The following CD2AP variants were observed in gnomAD, a reference collection of about 807,000 sequenced individuals.
CD2AP encodes the protein CD2 associated protein.
A neutral mutation model predicts 85.1 loss-of-function variants in CD2AP; 46 were observed. The ratio of observed to expected loss-of-function variants is 0.54; its 90% CI spans 0.43 to 0.69. The LOEUF is 0.69. Ranked by LOEUF, CD2AP falls within the 30% of genes least tolerant of loss-of-function variation. CD2AP has a pLI of 0.00. For synonymous variants in CD2AP, 255 were observed against 252.9 expected, an observed-to-expected ratio of 1.01 and a Z score of -0.08; for missense variants, 769 against 729.5, an observed-to-expected ratio of 1.05 and a Z score of -0.62.
intron 2 of CD2AP, among the ~76,000 whole-genome samples, chr6:47,509,283 T>G (rs1766256566): frequency 6.6e-6 from 1 of 152,108 alleles, no homozygotes; most frequent in African/African-American, 2.4e-5. Flanking sequence ...TAAAGATCAC[T>G]AATCACAGAT....
At chr6:47,535,101 A>G (rs1766995812) in intron 3 of CD2AP, among the ~76,000 whole-genome samples, 1 of 152,086 alleles carries the variant, frequency 6.6e-6, no homozygotes, top group Non-Finnish European at 1.5e-5. Context: ...TAGCCTAGAG[A>G]TTGCATACTT....
In CD2AP at chr6:47,582,019, G is replaced by A; in HGVS notation, c.1062G>A (p.Leu354=). ...TTCCCATAGCTCCAAAGCCTGAACT[G>A]ATAGCTGCAGAGAAGAAATATTTTT... ...PAKAPAPKPE[L]IAAEKKYFSL... Residue 354 remains leucine (L), a synonymous_variant, in exon 11 of 18, where the codon CTG becomes CTA. Transcript: ENST00000359314. 1 of 1,608,034 alleles carries A rather than the reference G, an allele frequency of 6.2e-7. No homozygotes were observed. Among genetic ancestry groups the A allele is most frequent in the Non-Finnish European group, 8.5e-7 (1 of 1,174,728 alleles).
intron 5 of CD2AP, among the ~76,000 whole-genome samples, chr6:47,570,192 G>A (rs1311850572): frequency 6.7e-6 from 1 of 149,702 alleles, no homozygotes; most frequent in African/African-American, 2.5e-5. Context: ...TCTTGTTTCC[G>A]TTTTTCTCCA....
At chr6:47,593,443 A>G (rs1173121982) in intron 11 of CD2AP, among the ~76,000 whole-genome samples, 2 of 152,134 alleles carry the variant, frequency 1.3e-5, no homozygotes, top group Non-Finnish European at 2.9e-5. Context: ...TAAAGGAGAT[A>G]TATAAGTTTT....
At chr6:47,557,026 A>G (rs1767714151) in intron 5 of CD2AP, among the ~76,000 whole-genome samples, 1 of 152,100 alleles carries the variant, frequency 6.6e-6, no homozygotes, top group South Asian at 2.1e-4. Context: ...TCTAACTGGC[A>G]TGAGATGGTA....
chr6:47,539,055 A>G (rs78933119), intron 3 of CD2AP, among the ~76,000 whole-genome samples: 2,387 of 152,314 alleles, frequency 0.016, 44 homozygotes, highest in African/African-American at 0.039. Context: ...GGTCTAGGCA[A>G]TTAATTAAAT....
rs763690363 is a variant in CD2AP at position 47,574,102 on chromosome 6, C to G, written c.580C>G (p.Leu194Val). 1 of 1,614,022 alleles carries G rather than the reference C, an allele frequency of 6.2e-7. No homozygotes were observed. Among genetic ancestry groups the G allele is most frequent in the Non-Finnish European group, 8.5e-7 (1 of 1,179,948 alleles). ...TGGGCCTACTTCACCTATACCTTCT[C>G]TGGGAAATGTGAGTGAAACTGCATC... ...LAGPTSPIPSLGNVSETASGS... is the reference protein window; with the variant it reads ...LAGPTSPIPSVGNVSETASGS... The change falls in exon 6 of 18, where the codon CTG becomes GTG. Residue 194 changes from leucine to valine, a missense_variant. Leu to Val is a conservative substitution (Grantham distance 32). Transcript: ENST00000359314.
chr6:47,579,682 G>C (rs1582584736), intron 9 of CD2AP, 193 bp downstream of exon 9: 1 of 558,254 alleles, frequency 1.8e-6, no homozygotes, highest in East Asian at 3.1e-5. Flanking sequence ...TTCTTCCTTT[G>C]TTTCTTTCTC....
chr6:47,548,232 A>G (rs1767418055), intron 4 of CD2AP, among the ~76,000 whole-genome samples: 2 of 152,150 alleles, frequency 1.3e-5, no homozygotes, highest in African/African-American at 4.8e-5. Context: ...ATTGGAACAA[A>G]CAGAAAATAC....
intron 1 of CD2AP, among the ~76,000 whole-genome samples, chr6:47,488,788 G>C (rs1346740479): frequency 1.3e-5 from 2 of 151,894 alleles, no homozygotes; most frequent in Non-Finnish European, 2.9e-5. Flanking sequence ...CTACTTGGGA[G>C]GCTGAGGTGA....
At chr6:47,485,001 G>A (rs886953685) in intron 1 of CD2AP, among the ~76,000 whole-genome samples, 9 of 152,122 alleles carry the variant, frequency 5.9e-5, no homozygotes, top group East Asian at 3.8e-4. Context: ...AGTGCAACGC[G>A]TTACTCACTG....
intron 2 of CD2AP, among the ~76,000 whole-genome samples, chr6:47,513,856 G>A (rs1049243508): frequency 4.2e-5 from 6 of 141,772 alleles, no homozygotes; most frequent in Non-Finnish European, 9.2e-5. Flanking sequence ...ATTTAAAAAC[G>A]TCTGATACCA....
chr6:47,570,739 C>G (rs1768126497), intron 5 of CD2AP, among the ~76,000 whole-genome samples: 2 of 152,104 alleles, frequency 1.3e-5, no homozygotes, highest in African/African-American at 4.8e-5. Context: ...GTGAAGTTCC[C>G]CATTTTACAG....
At chr6:47,514,841 C>T (rs926949219) in intron 2 of CD2AP, among the ~76,000 whole-genome samples, 5 of 152,162 alleles carry the variant, frequency 3.3e-5, no homozygotes, top group African/African-American at 1.2e-4. Flanking sequence ...CACCTGAGGT[C>T]AGGAGTTGGT....
At chr6:47,507,792 G>C (rs148916380) in intron 2 of CD2AP, among the ~76,000 whole-genome samples, 2 of 152,266 alleles carry the variant, frequency 1.3e-5, no homozygotes, top group African/African-American at 4.8e-5. Context: ...AATACTCCTT[G>C]ATCAATGGGC....
chr6:47,611,806 C>T (rs1214769098), intron 16 of CD2AP, among the ~76,000 whole-genome samples: 2 of 151,912 alleles, frequency 1.3e-5, no homozygotes, highest in African/African-American at 4.8e-5. Context: ...CAAAAAACCT[C>T]GATATTTGAA....
chr6:47,540,073 C>T (rs531440792), intron 3 of CD2AP, among the ~76,000 whole-genome samples: 1 of 148,068 alleles, frequency 6.8e-6, no homozygotes, highest in African/African-American at 2.5e-5. Context: ...GTCCCAGCTA[C>T]TTGAGAGGCT....
intron 2 of CD2AP, among the ~76,000 whole-genome samples, chr6:47,527,265 A>G (rs1186371295): frequency 6.6e-6 from 1 of 152,226 alleles, no homozygotes; most frequent in Non-Finnish European, 1.5e-5. Flanking sequence ...ATGAAGAAGT[A>G]TACCTGTTGT....
chr6:47,598,700 G>C (rs1301560387), intron 12 of CD2AP, among the ~76,000 whole-genome samples: 1 of 150,652 alleles, frequency 6.6e-6, no homozygotes, highest in African/African-American at 2.4e-5. Flanking sequence ...GAGCTAAGCT[G>C]TGAGGACACA....
Sources: allele counts gnomAD v4.1 joint callset (sites outside exome capture counted in the v4.1 genomes callset), GRCh38; gene constraint gnomAD v4.1.1; transcripts MANE v1.5; gene names NCBI Gene and HGNC (gene_info 2026-07-23, HGNC 2026-07-21).